Variants in ANKRD62 observed in about 807,000 individuals in gnomAD.
ANKRD62 encodes the protein ankyrin repeat domain-containing protein 62.
In ANKRD62, 61 loss-of-function variants were observed where a neutral mutation model predicts 98.8. The observed-to-expected ratio is 0.62, with a 90% CI of 0.50 to 0.76. The LOEUF is 0.76. ANKRD62 is among the 30% of genes least tolerant of loss of function. ANKRD62 has a pLI of 0.00. For synonymous variants in ANKRD62, 341 were observed against 367.9 expected, an observed-to-expected ratio of 0.93 and a Z score of 0.84; for missense variants, 933 against 1,082.9, an observed-to-expected ratio of 0.86 and a Z score of 1.94.
rs1909443164 is a variant in ANKRD62, at chr18:12,107,591, T to C, written c.1064+124T>C. On this transcript the variant is annotated intron_variant, in intron 8 of 13. Transcript: ENST00000587848. ...TTTATGAGGAATATTCTGCCTTGCC[T>C]GGTAATCATAAAATGCAAATTAACA... 1.1e-5 allele frequency: 8 copies of C among 724,654 alleles called. No individual in the cohort carries two copies. In the East Asian group the frequency reaches 2.4e-4, roughly 22 times the overall value. 44.9% of individuals were successfully genotyped at this position (724,654 alleles called of 1,614,324 possible).
At chr18:12,104,772 C>T (rs1417967918) in intron 7 of ANKRD62, among the ~76,000 whole-genome samples, 1 of 152,084 alleles carries the variant, frequency 6.6e-6, no homozygotes, top group Admixed American at 6.6e-5. Flanking sequence ...AATATGTATT[C>T]CTAATATTTC....
chr18:12,123,106 C>T (rs1459558473), intron 11 of ANKRD62, among the ~76,000 whole-genome samples: 5 of 151,984 alleles, frequency 3.3e-5, no homozygotes, highest in African/African-American at 4.8e-5. Context: ...TGGAGTGCAG[C>T]GGCGAAATCT....
chr18:12,170,561 A>G, the ANKRD62 span, among the ~76,000 whole-genome samples: 6 of 152,134 alleles, frequency 3.9e-5, no homozygotes, highest in African/African-American at 1.4e-4. Flanking sequence ...TATGTGGTCA[A>G]TTTTGGAGTA....
At chr18:12,104,339 A>T (rs1019048566) in intron 7 of ANKRD62, among the ~76,000 whole-genome samples, 3 of 152,134 alleles carry the variant, frequency 2.0e-5, no homozygotes, top group Admixed American at 6.5e-5. Flanking sequence ...TCATTTTTTC[A>T]TACTTCATTA....
chr18:12,167,946 T>A, the ANKRD62 span, among the ~76,000 whole-genome samples: 1 of 152,244 alleles, frequency 6.6e-6, no homozygotes, highest in Non-Finnish European at 1.5e-5. Context: ...GAACTATCTA[T>A]TCATATGCTT....
At chr18:12,137,489 G>C in the ANKRD62 span, among the ~76,000 whole-genome samples, 354 of 152,272 alleles carry the variant, frequency 2.3e-3, 2 homozygotes, top group African/African-American at 8.1e-3. Flanking sequence ...TGTTCATCAA[G>C]GATATTGGTC....
chr18:12,173,203 A>T, the ANKRD62 span, among the ~76,000 whole-genome samples: 3 of 152,360 alleles, frequency 2.0e-5, no homozygotes, highest in Non-Finnish European at 4.4e-5. Context: ...GGAGCTGTAG[A>T]CTGGAGCTGT....
At chr18:12,127,381 C>A (rs994856416) in intron 13 of ANKRD62, among the ~76,000 whole-genome samples, 14 of 152,176 alleles carry the variant, frequency 9.2e-5, no homozygotes, top group Admixed American at 8.5e-4. Context: ...GTGAAGAACT[C>A]TGAGGTTGAT....
chr18:12,171,498 G>A, the ANKRD62 span, among the ~76,000 whole-genome samples: 32 of 152,270 alleles, frequency 2.1e-4, 1 homozygote, highest in African/African-American at 4.1e-4. Context: ...GGTTTCTGCC[G>A]AGAGATCCGC....
intron 6 of ANKRD62, among the ~76,000 whole-genome samples, chr18:12,100,734 CT>C (rs1909282702): frequency 6.6e-6 from 1 of 152,124 alleles, no homozygotes; most frequent in African/African-American, 2.4e-5. Context: ...CTAGTATTGA[CT>C]TAATTCCCCC....
chr18:12,094,641 G>T (rs2143889255), intron 1 of ANKRD62, among the ~76,000 whole-genome samples: 1 of 32,398 alleles, frequency 3.1e-5, no homozygotes, highest in East Asian at 9.1e-4. Flanking sequence ...GGACTGGTGG[G>T]GGGTGGGATG....
intron 8 of ANKRD62, among the ~76,000 whole-genome samples, chr18:12,112,689 C>A (rs184149777): frequency 2.6e-5 from 4 of 152,262 alleles, no homozygotes; most frequent in Admixed American, 2.0e-4. Context: ...AAAGCAATTG[C>A]AACAAAAGCA....
At chr18:12,102,931 A>G (rs1014087577) in intron 6 of ANKRD62, 1 of 528,500 alleles carries the variant, frequency 1.9e-6, no homozygotes, top group Non-Finnish European at 2.8e-6. Flanking sequence ...ATGTTGGTCT[A>G]TGGCTTGAAT....
chr18:12,101,859 T>G, intron 6 of ANKRD62: 1 of 599,304 alleles, frequency 1.7e-6, no homozygotes, highest in Non-Finnish European at 3.0e-6. Flanking sequence ...AAAACAATCT[T>G]GTGATTAAGA....
At chr18:12,102,882 A>T in intron 6 of ANKRD62, 1 of 639,092 alleles carries the variant, frequency 1.6e-6, no homozygotes, top group Non-Finnish European at 2.1e-6. Context: ...TTGTTCATTT[A>T]TATTGTTGGG....
downstream of ANKRD62, among the ~76,000 whole-genome samples, chr18:12,130,200 G>A (rs1433570359): frequency 1.5e-5 from 2 of 134,440 alleles, no homozygotes; most frequent in African/African-American, 2.6e-5. Context: ...ACAAAACAAA[G>A]GTAAAAAAAT....
At chr18:12,097,186 C>T (rs1909200853) in intron 4 of ANKRD62, among the ~76,000 whole-genome samples, 1 of 152,154 alleles carries the variant, frequency 6.6e-6, no homozygotes, top group South Asian at 2.1e-4. Context: ...ATATGATTAT[C>T]AGCATTCTTA....
intron 10 of ANKRD62, among the ~76,000 whole-genome samples, chr18:12,118,120 G>A (rs4528648): frequency 0.61 from 93,283 of 151,936 alleles, 29,065 homozygotes; most frequent in Middle Eastern, 0.76. Context: ...GCTATACATC[G>A]TATGGGTTTG....
At chr18:12,161,752 A>G in the ANKRD62 span, among the ~76,000 whole-genome samples, 3 of 152,062 alleles carry the variant, frequency 2.0e-5, no homozygotes. Flanking sequence ...TGAATTTTAG[A>G]TCCCACAAAT....
Sources: gnomAD v4.1 joint callset for allele counts (sites outside exome capture counted in the v4.1 genomes callset) on GRCh38, gnomAD v4.1.1 for gene constraint, MANE v1.5 for transcripts, NCBI Gene and HGNC (gene_info 2026-07-23, HGNC 2026-07-21) for gene names.